The following HSPG2 variants were observed in gnomAD, a reference collection of about 807,000 sequenced individuals.
HSPG2 encodes heparan sulfate proteoglycan 2.
In HSPG2, 278 loss-of-function variants were observed where a neutral mutation model predicts 526.6. The ratio of observed to expected loss-of-function variants is 0.53; its 90% CI spans 0.48 to 0.58. HSPG2 has a LOEUF of 0.58. Ranked by LOEUF, HSPG2 falls within the 20% of genes least tolerant of loss-of-function variation. The pLI is 0.00. For synonymous variants in HSPG2, 2,465 were observed against 2,555.4 expected (o/e 0.96, Z 1.07); for missense variants, 5,354 against 6,099.5 (o/e 0.88, Z 4.07).
chr1:21,832,350 T>C (rs1325603157), intron 81 of HSPG2, 145 bp downstream of exon 81: 3 of 683,946 alleles, frequency 4.4e-6, no homozygotes, highest in Admixed American at 4.4e-5. Flanking sequence ...ATTCCTACTC[T>C]AGCAGATTGG....
chr1:21,884,051 A>C (rs1425704141), intron 13 of HSPG2, among the ~76,000 whole-genome samples: 2 of 152,192 alleles, frequency 1.3e-5, no homozygotes, highest in Non-Finnish European at 2.9e-5. Context: ...TGTCTCTCAG[A>C]ATGAGGACAA....
At position 21,829,056 on chromosome 1, in the gene HSPG2, C is replaced by T. The variant is rs113448590; in HGVS notation, c.12016G>A (p.Glu4006Lys). ...TGCCAGCGGCCCAGGGCCAGCGGCTCGGCGCTCCGCAGAACGGCCAGCCCT... is the reference window on the plus strand; with the variant it reads ...TGCCAGCGGCCCAGGGCCAGCGGCTTGGCGCTCCGCAGAACGGCCAGCCCT... ...GSGLAVLRSAEPLALGRWHRV... is the reference protein window; with the variant it reads ...GSGLAVLRSAKPLALGRWHRV... The change falls in exon 88 of 97, where the codon GAG becomes AAG. Residue 4006 changes from glutamate (E) to lysine (K), a missense_variant. Glu to Lys is a moderately conservative substitution (Grantham distance 56). Coordinates refer to ENST00000374695, the MANE Select transcript of HSPG2 (RefSeq NM_005529.7). 1.9e-5 allele frequency: 30 copies of T among 1,543,870 alleles called. No individual in the cohort carries two copies. The Middle Eastern group carries it at 5.7e-4, about 29-fold the overall frequency.
At chr1:21,843,847 G>C (rs1162075779) in intron 65 of HSPG2, among the ~76,000 whole-genome samples, 1 of 152,160 alleles carries the variant, frequency 6.6e-6, no homozygotes, top group African/African-American at 2.4e-5. Flanking sequence ...TGTTGGCCGG[G>C]CTGGCTTTGA....
At chr1:21,854,478 G>T in intron 49 of HSPG2, 133 bp downstream of exon 49, 1 of 1,447,776 alleles carries the variant, frequency 6.9e-7, no homozygotes, top group Non-Finnish European at 9.4e-7. Flanking sequence ...TGGGAGGGAG[G>T]GAGATGAGGC....
At chr1:21,896,081 G>A (rs933665973) in intron 2 of HSPG2, 94 bp downstream of exon 2, 39 of 1,603,106 alleles carry the variant, frequency 2.4e-5, no homozygotes, top group Non-Finnish European at 3.0e-5. Context: ...GAGAAAGCTC[G>A]GAATGGTCGG....
rs759888175 is a variant in HSPG2 at position 21,836,844 on chromosome 1, C to A, written c.10313G>T (p.Gly3438Val). 2 of 1,581,518 alleles carry A rather than the reference C, an allele frequency of 1.3e-6. No homozygotes were observed. The highest frequency in any genetic ancestry group is 1.7e-6 in the Non-Finnish European group (2 of 1,164,820). The stretch of plus-strand genomic sequence containing the variant: ...CACGCTGTGACCCGGAGGCAGCTGA[C>A]CCCCTTCCTTGAACCAACGGAGCTG... ...GTQLRWFKEG[G>V]QLPPGHSVQD... The change falls in exon 75 of 97, where the codon GGT becomes GTT. Residue 3438 changes from glycine (G) to valine (V), a missense_variant. By Grantham distance (109) the Gly-to-Val change is moderately radical (BLOSUM62 -3). Transcript: ENST00000374695.
chr1:21,926,772 A>G (rs1446545215), intron 1 of HSPG2, among the ~76,000 whole-genome samples: 3 of 144,622 alleles, frequency 2.1e-5, no homozygotes, highest in Non-Finnish European at 3.0e-5. Flanking sequence ...AAAAAAAAAA[A>G]AAAAAAAAAA....
In HSPG2 at chr1:21,861,844, C is replaced by T; in HGVS notation, c.4869-1G>A. On this transcript the variant is annotated splice_acceptor_variant, in intron 38 of 96. Coordinates refer to ENST00000374695, the MANE Select transcript of HSPG2 (RefSeq NM_005529.7). LOFTEE classifies it high-confidence loss of function. ...CAGGCTCTCACAGGTGCGGGAAAAC[C>T]TGGGATCGGGGAGGCAAAGGTCAGG... is the stretch of plus-strand genomic sequence containing the variant. The T allele has an allele frequency of 6.2e-7, 1 of 1,613,680 alleles. No homozygotes were observed. The highest frequency in any genetic ancestry group is 1.1e-5 in the South Asian group (1 of 91,082).
intron 21 of HSPG2, among the ~76,000 whole-genome samples, chr1:21,877,790 G>A (rs544980847): frequency 1.3e-5 from 2 of 152,098 alleles, no homozygotes; most frequent in Non-Finnish European, 2.9e-5. Flanking sequence ...GAGCCACTGC[G>A]CCCGGCCGAT....
chr1:21,847,762 C>A lies in HSPG2; in HGVS notation c.7952G>T (p.Cys2651Phe), dbSNP rs1390639425. 4 of 1,613,572 alleles carry A rather than the reference C, an allele frequency of 2.5e-6. No homozygotes were observed. The highest frequency in any genetic ancestry group is 3.3e-5 in the Admixed American group (2 of 59,976). Residue 2651 changes from cysteine (C) to phenylalanine (F), a missense_variant, in exon 61 of 97, where the codon TGC becomes TTC. By Grantham distance (205) the Cys-to-Phe change is radical. Coordinates refer to ENST00000374695, the MANE Select transcript of HSPG2 (RefSeq NM_005529.7). This position sits in a 1 kb window ranked among gnomAD's most constrained non-coding sequence, Gnocchi z 4.1. ...VVEGQTLDLNCVVARQPQAII... is the reference protein window; with the variant it reads ...VVEGQTLDLNFVVARQPQAII... The stretch of plus-strand genomic sequence containing the variant: ...AGCCTGGGGCTGCCTGGCGACCACG[C>A]AGTTCAGATCCAAGGTCTGCCCTTC...
rs536702870 is a variant in HSPG2, at chr1:21,877,852, A to C, written c.2685+334T>G. On this transcript the variant is annotated intron_variant, in intron 21 of 96. Transcript: ENST00000374695. ...CCCTTCTCTGAGCCTCCATTTCCTC[A>C]TTCACAAATTGGGGACACTAATATC... 3.1e-4 allele frequency among the ~76,000 whole-genome samples: 47 copies of C among 152,298 alleles called. No homozygotes were observed. The South Asian group carries it at 5.4e-3, about 17-fold the overall frequency.
intron 3 of HSPG2, among the ~76,000 whole-genome samples, chr1:21,891,418 G>A (rs1340648652): frequency 2.0e-5 from 3 of 152,188 alleles, no homozygotes; most frequent in African/African-American, 7.2e-5. Context: ...CTGGCACACA[G>A]CAAACCGCCC....
chr1:21,875,368 C>A (rs1228776235), intron 25 of HSPG2, among the ~76,000 whole-genome samples: 1 of 152,144 alleles, frequency 6.6e-6, no homozygotes, highest in African/African-American at 2.4e-5. Context: ...GAAACCATAT[C>A]CCTGCATGGC....
rs375748367 is a variant in HSPG2, at chr1:21,878,206, C to T, written c.2665G>A (p.Gly889Arg). 21 of 1,613,568 alleles carry T rather than the reference C, an allele frequency of 1.3e-5. No individual in the cohort carries two copies. The highest frequency in any genetic ancestry group is 5.3e-5 in the African/African-American group (4 of 74,948). The change falls in exon 21 of 97, where the codon GGG (glycine) becomes AGG (arginine). Residue 889 changes from glycine (G) to arginine (R), a missense_variant. Physicochemically the swap from Gly to Arg is moderately radical, Grantham distance 125. Coordinates refer to ENST00000374695, the MANE Select transcript of HSPG2 (RefSeq NM_005529.7). ...CDERGSMGTS[G>R]EACRCKNNVV... ...CGTACCTTACAGCGGCAGGCCTCCC[C>T]GGAGGTCCCCATGCTGCCACGCTCG...
chr1:21,826,219 G>A (rs2097973616), intron 91 of HSPG2, among the ~76,000 whole-genome samples: 1 of 151,948 alleles, frequency 6.6e-6, no homozygotes, highest in African/African-American at 2.4e-5. Flanking sequence ...ATAGCCATGT[G>A]CCACCACACC....
At chr1:21,929,411 CTT>C (rs1046354414) in intron 1 of HSPG2, among the ~76,000 whole-genome samples, 3 of 145,060 alleles carry the variant, frequency 2.1e-5, no homozygotes, top group Non-Finnish European at 1.5e-5. Flanking sequence ...ATTCTTTTTT[CTT>C]TTTTTTTTTT....
rs2098013390 is a variant in HSPG2, at chr1:21,833,458, G to T, written c.10978+9C>A. 1.9e-6 allele frequency: 3 copies of T among 1,614,186 alleles called. No individual in the cohort carries two copies. Among genetic ancestry groups the T allele is most frequent in the East Asian group, 2.2e-5 (1 of 44,872 alleles). On this transcript the variant is annotated intron_variant, in intron 79 of 96. Transcript: ENST00000374695. ...AGGGCACTGCCAATTCTTAGGGGTG[G>T]TGTCTTACCTGGCACCTGCAGGTGG...
intron 50 of HSPG2, 48 bp downstream of exon 50, chr1:21,854,122 AAGAAGCCACAGGCATCTTCCTTG>A: frequency 6.8e-7 from 1 of 1,478,378 alleles, no homozygotes; most frequent in South Asian, 1.3e-5. Flanking sequence ...GGTCCCACTG[AAGAAGCCACAGGCATCTTCCTTG>A]GGAGCTCCTA....
rs2097962695 is a variant in HSPG2 at position 21,824,393 on chromosome 1, G to A, written c.12745-17C>T. On this transcript the variant is annotated splice_polypyrimidine_tract_variant and intron_variant, in intron 93 of 96. Coordinates refer to ENST00000374695, the MANE Select transcript of HSPG2 (RefSeq NM_005529.7). This position sits in a 1 kb window ranked among gnomAD's most constrained non-coding sequence, Gnocchi z 5.9. The stretch of plus-strand genomic sequence containing the variant: ...TCCCACCTCCTGCCAGGGAAGCACA[G>A]GGTCTCTGGGGTCCCCAGCCTGGAG... 8 of 1,613,368 alleles carry A rather than the reference G, an allele frequency of 5.0e-6. No individual in the cohort carries two copies. Among genetic ancestry groups the A allele is most frequent in the African/African-American group, 2.7e-5 (2 of 74,918 alleles).
Sources: allele counts gnomAD v4.1 joint callset (sites outside exome capture counted in the v4.1 genomes callset), GRCh38; gene constraint gnomAD v4.1.1; non-coding constraint Gnocchi (gnomAD v3.1); transcripts MANE v1.5; gene names NCBI Gene and HGNC (gene_info 2026-07-23, HGNC 2026-07-21).